The following PIK3R1 variants were observed in gnomAD, a reference collection of about 807,000 sequenced individuals.
PIK3R1 encodes the protein phosphoinositide-3-kinase regulatory subunit 1, also known as phosphatidylinositol 3-kinase regulatory subunit alpha.
Under a neutral mutation model 98.0 loss-of-function variants are expected in PIK3R1, and 29 were observed. That is an observed-to-expected ratio of 0.30 (90% CI 0.22 to 0.40). The LOEUF is 0.40. PIK3R1 is among the 10% of genes least tolerant of loss of function. The pLI, the probability that PIK3R1 is intolerant of heterozygous loss-of-function variation, is 1.00. For missense variants in PIK3R1, 596 were observed against 872.7 expected (o/e 0.68, Z 3.99); for synonymous variants, 282 against 311.8 (o/e 0.90, Z 1.01).
intron 2 of PIK3R1, among the ~76,000 whole-genome samples, chr5:68,265,370 G>A (rs1241066234): frequency 9.5e-6 from 1 of 104,756 alleles, no homozygotes; most frequent in Non-Finnish European, 2.0e-5. Context: ...TGTTAGGTCA[G>A]GGTTACCATA....
intron 7 of PIK3R1, among the ~76,000 whole-genome samples, chr5:68,284,990 A>G (rs1448270989): frequency 1.3e-5 from 2 of 152,262 alleles, no homozygotes; most frequent in Admixed American, 6.5e-5. Flanking sequence ...TTGGCTTTCA[A>G]TATTTTTTTC....
intron 2 of PIK3R1, among the ~76,000 whole-genome samples, chr5:68,230,850 A>G (rs751459620): frequency 7.9e-5 from 12 of 152,134 alleles, no homozygotes; most frequent in Non-Finnish European, 1.5e-4. Context: ...GCCCTATGTT[A>G]TGTTCTTCGG....
intron 15 of PIK3R1, 81 bp from the exon 16 acceptor site, chr5:68,297,331 G>A (rs1747778334): frequency 1.7e-6 from 2 of 1,202,608 alleles, no homozygotes; most frequent in Non-Finnish European, 2.4e-6. Flanking sequence ...GCACAATAAT[G>A]CTTTTTATTA....
rs747829093 is a variant in PIK3R1 at position 68,293,050 on chromosome 5, T to A, written c.1020-51T>A. On this transcript the variant is annotated intron_variant, in intron 8 of 15. Transcript: ENST00000521381. ...AATAGCCTATTTTAAAAAATATAAA[T>A]CTGTGGTCACTAAACCTTAAGATGA... 3.5e-5 allele frequency: 50 copies of A among 1,423,862 alleles called. No homozygotes were observed. In the Admixed American group the frequency reaches 8.3e-4, roughly 24 times the overall value. The allele number at this position is 1,423,862 out of a possible 1,614,324, so 88.2% of individuals were successfully genotyped here. A position where few individuals can be genotyped will look rare whatever the true frequency, so the allele number is the denominator to read the frequency against.
At chr5:68,268,910 T>C (rs1192795793) in intron 2 of PIK3R1, among the ~76,000 whole-genome samples, 1 of 152,138 alleles carries the variant, frequency 6.6e-6, no homozygotes, top group Non-Finnish European at 1.5e-5. Context: ...GGCCTGTCCA[T>C]GTTAGTGGTT....
Position 68,301,452 on chromosome 5 carries a change from ATATG to A in PIK3R1, c.*3853_*3856del, listed in dbSNP as rs1277226123. 7.1e-5 allele frequency: 9 copies of A among 127,394 alleles called. No homozygotes were observed. The highest frequency in any genetic ancestry group is 2.7e-4 in the African/African-American group (8 of 29,200). 7.9% of individuals were successfully genotyped at this position (127,394 alleles called of 1,614,324 possible). ...TATATATGTGTGTGTATATATATAT[ATATG>A]TGTATATATATATGTATATACATAT... On this transcript the variant is annotated 3_prime_UTR_variant, in exon 16 of 16. Transcript: ENST00000521381.
At chr5:68,217,139 T>C (rs191059179) in intron 1 of PIK3R1, among the ~76,000 whole-genome samples, 1 of 152,276 alleles carries the variant, frequency 6.6e-6, no homozygotes, top group Admixed American at 6.5e-5. Flanking sequence ...GAAGTACCAA[T>C]GGATAAAGCA....
intron 2 of PIK3R1, among the ~76,000 whole-genome samples, chr5:68,249,719 C>T (rs1745228499): frequency 6.6e-6 from 1 of 152,066 alleles, no homozygotes; most frequent in Admixed American, 6.5e-5. Flanking sequence ...TTTATAGTCA[C>T]CAATTACCAG....
intron 2 of PIK3R1, among the ~76,000 whole-genome samples, chr5:68,264,931 G>A (rs992702915): frequency 2.0e-5 from 3 of 152,170 alleles, no homozygotes; most frequent in Admixed American, 1.3e-4. Context: ...CCGCCGGTCC[G>A]TCAGTATCAT....
chr5:68,216,396 T>C (rs1280855475), intron 1 of PIK3R1, among the ~76,000 whole-genome samples: 1 of 152,008 alleles, frequency 6.6e-6, no homozygotes, highest in Non-Finnish European at 1.5e-5. Flanking sequence ...AGCGCTCCCT[T>C]CCCCCGTGGC....
intron 1 of PIK3R1, among the ~76,000 whole-genome samples, chr5:68,218,361 T>C (rs1743975787): frequency 1.3e-5 from 2 of 152,136 alleles, no homozygotes; most frequent in Non-Finnish European, 2.9e-5. Context: ...TTTACATTTT[T>C]CCATGACTGT....
At chr5:68,230,187 T>C (rs1744416569) in intron 2 of PIK3R1, among the ~76,000 whole-genome samples, 1 of 152,230 alleles carries the variant, frequency 6.6e-6, no homozygotes, top group Non-Finnish European at 1.5e-5. Context: ...GGAGTCTGGC[T>C]CTACTCACGC....
At chr5:68,245,898 T>C (rs909461482) in intron 2 of PIK3R1, among the ~76,000 whole-genome samples, 4 of 152,218 alleles carry the variant, frequency 2.6e-5, no homozygotes, top group Non-Finnish European at 5.9e-5. Context: ...AGTTAGATTA[T>C]TGCAGAATTA....
At chr5:68,268,877 C>T (rs1277773946) in intron 2 of PIK3R1, among the ~76,000 whole-genome samples, 8 of 152,160 alleles carry the variant, frequency 5.3e-5, no homozygotes, top group East Asian at 1.9e-4. Context: ...TCCCACACAC[C>T]GCTGGTGCCC....
rs770310331 is a variant in PIK3R1 at position 68,238,002 on chromosome 5, G to A, written c.334+10993G>A. Among the ~76,000 whole-genome samples the A allele has an allele frequency of 3.3e-5, 5 of 152,290 alleles. No homozygotes were observed. In the South Asian group the frequency reaches 1.0e-3, roughly 32 times the overall value. ...AAAATAACCAGAGAGAGCTGGAATG[G>A]TAAGTTAGGGGCTATTACTGTTATA... On this transcript the variant is annotated intron_variant, in intron 2 of 15. Transcript: ENST00000521381.
At position 68,300,814 on chromosome 5, in the gene PIK3R1, T is replaced by A. The variant is rs1490052276; in HGVS notation, c.*3213T>A. On this transcript the variant is annotated 3_prime_UTR_variant, in exon 16 of 16. Transcript: ENST00000521381. ...GTCTTACAAAGGTGAAAATTGTTTG[T>A]AAGTGAAGTGAGAAGTTCATATTTC... The A allele has an allele frequency of 4.3e-6, 1 of 233,154 alleles. No homozygotes were observed. The highest frequency in any genetic ancestry group is 8.5e-6 in the Non-Finnish European group (1 of 118,054). 14.4% of individuals were successfully genotyped at this position (233,154 alleles called of 1,614,324 possible). A position where few individuals can be genotyped will look rare whatever the true frequency, so the allele number is the denominator to read the frequency against.
rs533775451 is a variant in PIK3R1 at position 68,298,788 on chromosome 5, A to G, written c.*1187A>G. Reference sequence around the variant, plus strand: ...ATATGACAAAGTATTGCTGAGTCCAACAATGTTGTTTTAAGACTCTTAAAA... The same window carrying G: ...ATATGACAAAGTATTGCTGAGTCCAGCAATGTTGTTTTAAGACTCTTAAAA... On this transcript the variant is annotated 3_prime_UTR_variant, in exon 16 of 16. Coordinates refer to ENST00000521381, the MANE Select transcript of PIK3R1 (RefSeq NM_181523.3). 2.1e-5 allele frequency: 5 copies of G among 233,468 alleles called. No homozygotes were observed. The East Asian group carries it at 3.0e-4, about 14-fold the overall frequency. 14.5% of individuals were successfully genotyped at this position (233,468 alleles called of 1,614,324 possible).
At chr5:68,220,170 CAG>C (rs1303462829) in intron 1 of PIK3R1, among the ~76,000 whole-genome samples, 1 of 152,158 alleles carries the variant, frequency 6.6e-6, no homozygotes, top group Non-Finnish European at 1.5e-5. Context: ...AACTGTGCCA[CAG>C]AGAGGTTTAA....
At chr5:68,286,974 T>C (rs551141204) in intron 7 of PIK3R1, among the ~76,000 whole-genome samples, 10 of 152,240 alleles carry the variant, frequency 6.6e-5, no homozygotes, top group African/African-American at 1.4e-4. Context: ...TAGACTGTTA[T>C]TTCCATTGGG....
Sources: gnomAD v4.1 joint callset for allele counts (sites outside exome capture counted in the v4.1 genomes callset) on GRCh38, gnomAD v4.1.1 for gene constraint, MANE v1.5 for transcripts, NCBI Gene and HGNC (gene_info 2026-07-23, HGNC 2026-07-21) for gene names.